The following RAB28 variants were observed in gnomAD, a reference collection of about 807,000 sequenced individuals.
RAB28 encodes the protein RAB28, member RAS oncogene family.
In RAB28, 24 loss-of-function variants were observed where a neutral mutation model predicts 31.7. That is an observed-to-expected ratio of 0.76 (90% CI 0.55 to 1.06). RAB28 has a LOEUF of 1.06. RAB28 is among the 50% of genes least tolerant of loss of function. The pLI is 0.00. For synonymous variants in RAB28, 100 were observed against 90.4 expected (o/e 1.11, Z -0.60); for missense variants, 254 against 258.5 (o/e 0.98, Z 0.12).
chr4:13,475,273 T>C (rs754257329), intron 2 of RAB28, among the ~76,000 whole-genome samples: 2 of 151,626 alleles, frequency 1.3e-5, no homozygotes, highest in African/African-American at 4.8e-5. Context: ...ATGCAACTGA[T>C]GAGTAAGCTT....
intron 3 of RAB28, chr4:13,473,879 A>G (rs1716231049): frequency 5.6e-6 from 2 of 359,656 alleles, no homozygotes; most frequent in Non-Finnish European, 1.1e-5. Context: ...TTAAATCTGA[A>G]AAGCTATCAA....
chr4:13,386,937 T>C (rs1384256288), intron 4 of RAB28, among the ~76,000 whole-genome samples: 1 of 152,098 alleles, frequency 6.6e-6, no homozygotes, highest in African/African-American at 2.4e-5. Flanking sequence ...GATCATGTCC[T>C]TTGTGGGAAC....
chr4:13,470,276 A>G (rs561201380), intron 3 of RAB28, among the ~76,000 whole-genome samples: 58 of 152,246 alleles, frequency 3.8e-4, no homozygotes, highest in African/African-American at 1.3e-3. Flanking sequence ...ATCTTGCTTT[A>G]TAAGTATAAC....
intron 4 of RAB28, among the ~76,000 whole-genome samples, chr4:13,438,649 C>T (rs932035393): frequency 2.6e-5 from 4 of 151,970 alleles, no homozygotes; most frequent in Non-Finnish European, 5.9e-5. Flanking sequence ...TTTTTGTTCC[C>T]GATTTATCCA....
intron 4 of RAB28, among the ~76,000 whole-genome samples, chr4:13,418,372 G>T (rs1420660563): frequency 6.6e-6 from 1 of 152,094 alleles, no homozygotes; most frequent in Admixed American, 6.5e-5. Context: ...AGCAAGGCAG[G>T]CCAACATTCA....
intron 4 of RAB28, among the ~76,000 whole-genome samples, chr4:13,456,004 C>A (rs1056095544): frequency 6.6e-5 from 10 of 152,152 alleles, no homozygotes; most frequent in Non-Finnish European, 1.2e-4. Context: ...CCAGACACAG[C>A]AAAACAAAGA....
At chr4:13,475,209 A>C (rs1200819091) in intron 2 of RAB28, among the ~76,000 whole-genome samples, 1 of 151,650 alleles carries the variant, frequency 6.6e-6, no homozygotes, top group Non-Finnish European at 1.5e-5. Flanking sequence ...TGTGCATTTT[A>C]TAAAATATTT....
At chr4:13,447,156 C>T (rs1437538300) in intron 4 of RAB28, among the ~76,000 whole-genome samples, 1 of 152,160 alleles carries the variant, frequency 6.6e-6, no homozygotes, top group Non-Finnish European at 1.5e-5. Context: ...TAGATTACAT[C>T]GAAAGCCTCC....
intron 1 of RAB28, among the ~76,000 whole-genome samples, chr4:13,482,867 G>GA (rs372763035): frequency 0.013 from 1,907 of 152,326 alleles, 20 homozygotes; most frequent in Middle Eastern, 0.041. Context: ...ACCAAAGGCA[G>GA]AAGCAGGTAT....
At chr4:13,463,609 T>C (rs1467374818) in intron 3 of RAB28, among the ~76,000 whole-genome samples, 3 of 152,044 alleles carry the variant, frequency 2.0e-5, no homozygotes, top group Non-Finnish European at 4.4e-5. Context: ...GACAAATGTG[T>C]CCCAACATTT....
intron 6 of RAB28, among the ~76,000 whole-genome samples, chr4:13,376,046 C>G (rs913832860): frequency 1.3e-5 from 2 of 152,028 alleles, no homozygotes; most frequent in Non-Finnish European, 2.9e-5. Context: ...TATAGTGGTA[C>G]TTTAAATTTC....
chr4:13,456,444 T>C (rs934925458), intron 4 of RAB28, among the ~76,000 whole-genome samples: 1 of 152,246 alleles, frequency 6.6e-6, no homozygotes, highest in Non-Finnish European at 1.5e-5. Context: ...ACAAGCACAG[T>C]GCTTTTCACA....
At position 13,380,669 on chromosome 4, in the gene RAB28, A is replaced by G. The variant is rs147108707; in HGVS notation, c.495+822T>C. 1.0e-3 allele frequency among the ~76,000 whole-genome samples: 155 copies of G among 152,232 alleles called. 1 individual carries two copies. Among genetic ancestry groups the G allele is most frequent in the African/African-American group, 3.6e-3 (149 of 41,570 alleles). On this transcript the variant is annotated intron_variant, in intron 5 of 6. Coordinates refer to ENST00000330852, the MANE Select transcript of RAB28 (RefSeq NM_001017979.3). ...AGGATGTAGTTATGGCAATCATACA[A>G]TGCTGGTGATAGCATGAATTTAGTC...
chr4:13,483,822 C>T (rs1348426113), intron 1 of RAB28, among the ~76,000 whole-genome samples: 1 of 152,216 alleles, frequency 6.6e-6, no homozygotes, highest in South Asian at 2.1e-4. Context: ...AAAGGCTGGC[C>T]CGAGTCTTGC....
intron 2 of RAB28, 134 bp downstream of exon 2, chr4:13,479,296 C>T: frequency 3.2e-6 from 2 of 630,880 alleles, no homozygotes; most frequent in Non-Finnish European, 2.7e-6. Context: ...AAGTTAACAT[C>T]CCTAAGATAA....
intron 6 of RAB28, among the ~76,000 whole-genome samples, chr4:13,375,052 C>T (rs1728865463): frequency 6.6e-6 from 1 of 152,118 alleles, no homozygotes; most frequent in African/African-American, 2.4e-5. Context: ...GCCATTTTCT[C>T]CCTTCCCACT....
chr4:13,369,624 C>T (rs1474434341), intron 6 of RAB28, among the ~76,000 whole-genome samples: 1 of 152,072 alleles, frequency 6.6e-6, no homozygotes, highest in Non-Finnish European at 1.5e-5. Context: ...ATAAACACAA[C>T]CATAAAGACA....
At chr4:13,474,937 G>A (rs1267364816) in intron 2 of RAB28, among the ~76,000 whole-genome samples, 1 of 151,444 alleles carries the variant, frequency 6.6e-6, no homozygotes, top group African/African-American at 2.4e-5. Context: ...GCTACTATCG[G>A]ATATGGCAAA....
At chr4:13,404,330 A>G (rs1711948265) in intron 4 of RAB28, among the ~76,000 whole-genome samples, 1 of 151,884 alleles carries the variant, frequency 6.6e-6, no homozygotes, top group African/African-American at 2.4e-5. Context: ...GTGAGCCGAG[A>G]TCACACCATT....
Sources: gnomAD v4.1 joint callset for allele counts (sites outside exome capture counted in the v4.1 genomes callset) on GRCh38, gnomAD v4.1.1 for gene constraint, MANE v1.5 for transcripts, NCBI Gene and HGNC (gene_info 2026-07-23, HGNC 2026-07-21) for gene names.